SMYD3: variants seen among roughly 807,000 people sequenced by gnomAD.
The protein encoded by SMYD3 is histone-lysine N-methyltransferase SMYD3.
A neutral mutation model predicts 57.7 loss-of-function variants in SMYD3; 36 were observed. The observed-to-expected ratio is 0.62, with a 90% CI of 0.48 to 0.82. SMYD3 has a LOEUF of 0.82. Ranked by LOEUF, SMYD3 falls within the 40% of genes least tolerant of loss-of-function variation. The pLI is 0.00. For synonymous variants in SMYD3, 211 were observed against 195.0 expected (o/e 1.08, Z -0.68); for missense variants, 515 against 538.8 (o/e 0.96, Z 0.44).
intron 10 of SMYD3, among the ~76,000 whole-genome samples, chr1:245,830,859 C>T (rs74156638): frequency 0.021 from 3,162 of 152,222 alleles, 110 homozygotes; most frequent in African/African-American, 0.072. Context: ...CCTCATGTCA[C>T]CTCCTAACCT....
Position 245,769,954 on chromosome 1 carries a change from C to A in SMYD3, c.1077-5805G>T, listed in dbSNP as rs76864262. Among the ~76,000 whole-genome samples the A allele has an allele frequency of 1.0e-3, 155 of 152,290 alleles. 2 individuals are homozygous for A. The East Asian group carries it at 0.028, about 27-fold the overall frequency. ...AAACACAGCTGGCCCTGCATATCCA[C>A]ATGTTCTGCATCCAGTTCAATCCAG... On this transcript the variant is annotated intron_variant, in intron 10 of 11. Coordinates refer to ENST00000490107, the MANE Select transcript of SMYD3 (RefSeq NM_001167740.2).
chr1:245,963,581 A>G (rs1015108433), intron 5 of SMYD3, among the ~76,000 whole-genome samples: 2 of 152,090 alleles, frequency 1.3e-5, no homozygotes, highest in Non-Finnish European at 2.9e-5. Flanking sequence ...TGAGTATCAG[A>G]GAAAAATTCC....
At chr1:246,013,645 A>C (rs79837987) in intron 5 of SMYD3, among the ~76,000 whole-genome samples, 4,420 of 152,262 alleles carry the variant, frequency 0.029, 219 homozygotes, top group African/African-American at 0.1. Flanking sequence ...GATCAAACTG[A>C]CTGATGGGTA....
chr1:246,219,757 A>G (rs1409091972), intron 5 of SMYD3, among the ~76,000 whole-genome samples: 1 of 152,156 alleles, frequency 6.6e-6, no homozygotes, highest in Non-Finnish European at 1.5e-5. Flanking sequence ...ATGCAGCTGC[A>G]GGCAAGCACA....
intron 5 of SMYD3, among the ~76,000 whole-genome samples, chr1:245,999,503 C>G (rs2058997171): frequency 6.6e-6 from 1 of 151,950 alleles, no homozygotes; most frequent in African/African-American, 2.4e-5. Flanking sequence ...CATGGCAAAA[C>G]CTAGATTTAA....
intron 5 of SMYD3, among the ~76,000 whole-genome samples, chr1:246,040,313 C>T (rs1388807312): frequency 6.6e-6 from 1 of 152,210 alleles, no homozygotes; most frequent in African/African-American, 2.4e-5. Context: ...CTGGCACAGA[C>T]ACCCCACCAT....
chr1:246,082,289 C>T (rs1312316957), intron 5 of SMYD3, among the ~76,000 whole-genome samples: 1 of 152,216 alleles, frequency 6.6e-6, no homozygotes, highest in African/African-American at 2.4e-5. Flanking sequence ...CCAGAGGTCA[C>T]AAGATTTGTG....
intron 7 of SMYD3, among the ~76,000 whole-genome samples, chr1:245,922,233 G>A (rs2056023034): frequency 6.6e-6 from 1 of 152,144 alleles, no homozygotes; most frequent in Non-Finnish European, 1.5e-5. Flanking sequence ...GTATGTATTT[G>A]TATTCAACAG....
chr1:246,506,987 A>ACCCCC, intron 1 of SMYD3, 67 bp downstream of exon 1: 10 of 634,688 alleles, frequency 1.6e-5, no homozygotes, highest in Non-Finnish European at 1.7e-5. Context: ...CGGCCGCCCG[A>ACCCCC]CGCCCCCCCC....
chr1:245,763,971 A>T, intron 11 of SMYD3, 70 bp downstream of exon 11: 1 of 1,178,924 alleles, frequency 8.5e-7, no homozygotes, highest in Non-Finnish European at 1.3e-6. Context: ...CTAACAAATC[A>T]CAAAGAGGCC....
intron 1 of SMYD3, among the ~76,000 whole-genome samples, chr1:246,495,348 CAAA>C (rs11329443): frequency 1.8e-3 from 103 of 57,880 alleles, no homozygotes; most frequent in African/African-American, 7.3e-3. Flanking sequence ...GACTCCGTCT[CAAA>C]AAAAAAAAAA....
intron 1 of SMYD3, among the ~76,000 whole-genome samples, chr1:246,383,660 T>C (rs1276528130): frequency 1.3e-5 from 2 of 152,226 alleles, no homozygotes; most frequent in South Asian, 2.1e-4. Context: ...TTTTGGAAGA[T>C]GATCAAAATA....
chr1:245,984,696 C>T (rs1445989003), intron 5 of SMYD3, among the ~76,000 whole-genome samples: 1 of 152,184 alleles, frequency 6.6e-6, no homozygotes, highest in Non-Finnish European at 1.5e-5. Flanking sequence ...AATCTAAGAC[C>T]TGCTACACTG....
chr1:245,920,128 A>T (rs1313083928), intron 7 of SMYD3, among the ~76,000 whole-genome samples: 2 of 152,216 alleles, frequency 1.3e-5, no homozygotes, highest in Non-Finnish European at 1.5e-5. Context: ...CCTGGCTAAC[A>T]CGGTGAAACC....
intron 10 of SMYD3, among the ~76,000 whole-genome samples, chr1:245,838,392 C>A (rs116226798): frequency 6.6e-6 from 1 of 152,104 alleles, no homozygotes; most frequent in Non-Finnish European, 1.5e-5. Flanking sequence ...CTTCACCCTG[C>A]GGGGGATGAG....
intron 1 of SMYD3, among the ~76,000 whole-genome samples, chr1:246,363,564 T>G (rs1487248435): frequency 5.3e-5 from 8 of 152,248 alleles, no homozygotes; most frequent in Non-Finnish European, 1.0e-4. Flanking sequence ...CTTTTCATTT[T>G]GTTCTGTACT....
At chr1:246,451,806 T>A (rs571050778) in intron 1 of SMYD3, among the ~76,000 whole-genome samples, 1 of 152,142 alleles carries the variant, frequency 6.6e-6, no homozygotes, top group Non-Finnish European at 1.5e-5. Context: ...TAAAAAGTAG[T>A]TTTTTTTAGT....
intron 7 of SMYD3, among the ~76,000 whole-genome samples, chr1:245,921,554 T>TATATATATAC: frequency 1.9e-4 from 1 of 5,140 alleles, no homozygotes; most frequent in Non-Finnish European, 1.8e-3. Flanking sequence ...GTGGTGTATA[T>TATATATATAC]ATATATATAT....
chr1:246,014,251 G>C (rs1219503161), intron 5 of SMYD3, among the ~76,000 whole-genome samples: 1 of 152,248 alleles, frequency 6.6e-6, no homozygotes, highest in Non-Finnish European at 1.5e-5. Context: ...GAGCCCAGGA[G>C]GTGGAGATTG....
Sources: allele counts gnomAD v4.1 joint callset (sites outside exome capture counted in the v4.1 genomes callset), GRCh38; gene constraint gnomAD v4.1.1; transcripts MANE v1.5; gene names NCBI Gene and HGNC (gene_info 2026-07-23, HGNC 2026-07-21).